Variants in TAF4 observed in about 807,000 individuals in gnomAD.
TAF4 encodes TATA-box binding protein associated factor 4.
TAF4 carries 9 observed loss-of-function variants against 90.3 expected under a neutral mutation model. That is an observed-to-expected ratio of 0.10 (90% CI 0.06 to 0.17). The LOEUF is 0.17. Ranked by LOEUF, TAF4 falls within the 10% of genes least tolerant of loss-of-function variation. The probability of loss-of-function intolerance (pLI) is 1.00; values close to 1 mark genes in which losing one functional copy is unlikely to be tolerated. For synonymous variants in TAF4, 818 were observed against 638.9 expected (o/e 1.28, Z -4.23); for missense variants, 1,351 against 1,370.7 (o/e 0.99, Z 0.23).
chr20:62,055,158 C>T (rs2056053525), intron 1 of TAF4, among the ~76,000 whole-genome samples: 1 of 151,266 alleles, frequency 6.6e-6, no homozygotes, highest in Non-Finnish European at 1.5e-5. Flanking sequence ...GGCAGTCCTG[C>T]AATACAATCG....
chr20:62,055,096 C>A (rs753439561), intron 1 of TAF4, among the ~76,000 whole-genome samples: 1 of 152,252 alleles, frequency 6.6e-6, no homozygotes, highest in Non-Finnish European at 1.5e-5. Flanking sequence ...GCTTCAAACC[C>A]TCAATGGCTT....
At chr20:61,990,284 C>T (rs1221299688) in intron 14 of TAF4, among the ~76,000 whole-genome samples, 10 of 152,228 alleles carry the variant, frequency 6.6e-5, no homozygotes, top group African/African-American at 1.9e-4. Flanking sequence ...GGAGTCTGCA[C>T]GGAGCTCCTT....
chr20:62,031,375 T>C (rs977863640), intron 1 of TAF4, among the ~76,000 whole-genome samples: 8 of 152,224 alleles, frequency 5.3e-5, no homozygotes, highest in Non-Finnish European at 8.8e-5. Flanking sequence ...CCAGGGTGCC[T>C]TCTCGACACT....
chr20:62,020,355 G>T (rs2055835837), intron 1 of TAF4, among the ~76,000 whole-genome samples: 2 of 152,248 alleles, frequency 1.3e-5, no homozygotes, highest in African/African-American at 4.8e-5. Context: ...TCTGGCACAA[G>T]CATCAGGGGC....
At chr20:62,003,057 G>A in intron 9 of TAF4, 103 bp downstream of exon 9, 2 of 925,552 alleles carry the variant, frequency 2.2e-6, no homozygotes, top group Non-Finnish European at 3.3e-6. Context: ...CGGCCGCCAG[G>A]GCCACGTGGG....
chr20:62,034,651 T>G (rs1423242170), intron 1 of TAF4, among the ~76,000 whole-genome samples: 1 of 151,848 alleles, frequency 6.6e-6, no homozygotes, highest in East Asian at 1.9e-4. Context: ...TTAAAAAAAA[T>G]ACTTAAAATA....
At chr20:61,980,709 A>G (rs1160448032) in intron 14 of TAF4, 1 of 152,298 alleles carries the variant, frequency 6.6e-6, no homozygotes, top group Non-Finnish European at 1.5e-5. Flanking sequence ...ACAGTTCAGC[A>G]CAAGCAAGGA....
chr20:62,054,464 G>A lies in TAF4; in HGVS notation c.1360+9987C>T, dbSNP rs76335161. Reference sequence around the variant, plus strand: ...TCACAGCCATGCTACCTCTGCCATCGCTGCGCTGGAGGCCAGGAGAGACGC... The same window carrying A: ...TCACAGCCATGCTACCTCTGCCATCACTGCGCTGGAGGCCAGGAGAGACGC... On this transcript the variant is annotated intron_variant, in intron 1 of 14. Transcript: ENST00000252996. Among the ~76,000 whole-genome samples the A allele has an allele frequency of 1.7e-3, 254 of 152,296 alleles. 3 individuals are homozygous for A. The highest frequency in any genetic ancestry group is 4.6e-3 in the Admixed American group (70 of 15,298).
intron 1 of TAF4, chr20:62,064,216 G>T (rs1470133527): frequency 7.2e-6 from 3 of 417,466 alleles, no homozygotes; most frequent in Non-Finnish European, 1.2e-5. Flanking sequence ...CAGGCAGCCA[G>T]CGCGGACGTC....
chr20:62,052,858 A>C (rs2056037772), intron 1 of TAF4, among the ~76,000 whole-genome samples: 1 of 122,874 alleles, frequency 8.1e-6, no homozygotes, highest in East Asian at 2.6e-4. Context: ...CAGGTCCCTC[A>C]GGCCATCCCC....
intron 1 of TAF4, among the ~76,000 whole-genome samples, chr20:62,060,021 C>T (rs1354063939): frequency 6.6e-6 from 1 of 152,248 alleles, no homozygotes; most frequent in Non-Finnish European, 1.5e-5. Context: ...TTTCGGGATG[C>T]GGACACGCCC....
intron 14 of TAF4, among the ~76,000 whole-genome samples, chr20:61,978,773 C>T (rs995456465): frequency 1.3e-5 from 2 of 152,074 alleles, no homozygotes; most frequent in South Asian, 2.1e-4. Context: ...CCCCCAGGGC[C>T]CAGCACGCTG....
chr20:62,064,434 C>T lies in TAF4; in HGVS notation c.1360+17G>A. ...GCTGGGAGCCGCCCTTCCCTCCCGCCCCGTGCGGCCACTCACCTGGGGGCA... is the reference window on the plus strand; with the variant it reads ...GCTGGGAGCCGCCCTTCCCTCCCGCTCCGTGCGGCCACTCACCTGGGGGCA... On this transcript the variant is annotated intron_variant, in intron 1 of 14. Transcript: ENST00000252996. The T allele has an allele frequency of 7.5e-7, 1 of 1,342,244 alleles. No individual in the cohort carries two copies. The highest frequency in any genetic ancestry group is 9.6e-7 in the Non-Finnish European group (1 of 1,039,150). 83.1% of individuals were successfully genotyped at this position (1,342,244 alleles called of 1,614,324 possible).
intron 1 of TAF4, among the ~76,000 whole-genome samples, chr20:62,015,622 C>T (rs2055808066): frequency 6.6e-6 from 1 of 152,222 alleles, no homozygotes; most frequent in Non-Finnish European, 1.5e-5. Flanking sequence ...CCATCACACA[C>T]TGGCCAAGCC....
chr20:62,053,984 C>T (rs1462913473), intron 1 of TAF4, among the ~76,000 whole-genome samples: 1 of 152,224 alleles, frequency 6.6e-6, no homozygotes, highest in Non-Finnish European at 1.5e-5. Flanking sequence ...AGACAGCCAC[C>T]AGCTGGGGGG....
chr20:62,010,036 T>C lies in TAF4; in HGVS notation c.1761+10A>G, dbSNP rs1040311799. 2.5e-6 allele frequency: 4 copies of C among 1,612,174 alleles called. No homozygotes were observed. Among genetic ancestry groups the C allele is most frequent in the Non-Finnish European group, 3.4e-6 (4 of 1,179,708 alleles). On this transcript the variant is annotated intron_variant, in intron 4 of 14. Coordinates refer to ENST00000252996, the MANE Select transcript of TAF4 (RefSeq NM_003185.4). This position sits in a 1 kb window ranked among gnomAD's most constrained non-coding sequence, Gnocchi z 4.5. Reference sequence around the variant, plus strand: ...CCGTCTTTGAAGGCACGGAAAGGAGTGGCTCTTACCGTGGCAGCTGAGGAA... The same window carrying C: ...CCGTCTTTGAAGGCACGGAAAGGAGCGGCTCTTACCGTGGCAGCTGAGGAA...
intron 14 of TAF4, among the ~76,000 whole-genome samples, chr20:61,983,852 G>A (rs2055565457): frequency 6.6e-6 from 1 of 152,112 alleles, no homozygotes; most frequent in African/African-American, 2.4e-5. Context: ...GATTCAGAAG[G>A]TGAAAAGTAA....
rs6061969 is a variant in TAF4 at position 62,032,986 on chromosome 20, G to A, written c.1361-18279C>T. On this transcript the variant is annotated intron_variant, in intron 1 of 14. Transcript: ENST00000252996. ...TGAGCACCGAGACTGGCTTCTCGAA[G>A]GAAGCAGCTGGGAAATGATGGATGC... 5.9e-5 allele frequency among the ~76,000 whole-genome samples: 9 copies of A among 152,292 alleles called. No individual in the cohort carries two copies. In the South Asian group the frequency reaches 1.7e-3, roughly 28 times the overall value.
intron 1 of TAF4, among the ~76,000 whole-genome samples, chr20:62,049,120 C>G (rs2056011860): frequency 6.6e-6 from 1 of 151,828 alleles, no homozygotes; most frequent in East Asian, 1.9e-4. Flanking sequence ...CACTGTGCCT[C>G]CACTGGCACC....
Sources: gnomAD v4.1 joint callset for allele counts (sites outside exome capture counted in the v4.1 genomes callset) on GRCh38, gnomAD v4.1.1 for gene constraint, Gnocchi (gnomAD v3.1) non-coding constraint, MANE v1.5 for transcripts, NCBI Gene and HGNC (gene_info 2026-07-23, HGNC 2026-07-21) for gene names.